Variants in RNASET2 observed in about 807,000 individuals in gnomAD.
The protein encoded by RNASET2 is ribonuclease 6.
Under a neutral mutation model 33.9 loss-of-function variants are expected in RNASET2, and 28 were observed. The observed-to-expected ratio is 0.83, with a 90% CI of 0.61 to 1.13. The LOEUF (loss-of-function observed/expected upper bound fraction) is 1.13. Ranked by LOEUF, RNASET2 falls within the 50% of genes most tolerant of loss-of-function variation. The pLI, the probability that RNASET2 is intolerant of heterozygous loss-of-function variation, is 0.00. For missense variants in RNASET2, 330 were observed against 319.9 expected (o/e 1.03, Z -0.24); for synonymous variants, 123 against 121.0 (o/e 1.02, Z -0.11).
At chr6:166,934,374 T>C (rs1583217113) in intron 6 of RNASET2, 7 of 521,750 alleles carry the variant, frequency 1.3e-5, no homozygotes, top group South Asian at 1.0e-4. Context: ...TTCCAGTTCC[T>C]GACTCCTTCG....
chr6:166,925,356 G>A lies in RNASET2; in HGVS notation c.*4232C>T, dbSNP rs1778289256. 2.7e-5 allele frequency among the ~76,000 whole-genome samples: 4 copies of A among 150,174 alleles called. No homozygotes were observed. The South Asian group carries it at 8.4e-4, about 32-fold the overall frequency. ...ACCCAGCTCTCACTTCCTCCATCCA[G>A]GCATCATTCCTGCCACCCAGGCCTC... is the stretch of plus-strand genomic sequence containing the variant. On this transcript the variant is annotated 3_prime_UTR_variant, in exon 9 of 9. Transcript: ENST00000508775.
intron 4 of RNASET2, among the ~76,000 whole-genome samples, chr6:166,944,396 C>A (rs1778775759): frequency 1.3e-5 from 2 of 151,996 alleles, no homozygotes; most frequent in Admixed American, 1.3e-4. Flanking sequence ...CTTTTCTCAG[C>A]CCATTTGTAA....
At chr6:166,942,640 G>C (rs906298400) in intron 5 of RNASET2, among the ~76,000 whole-genome samples, 8 of 151,370 alleles carry the variant, frequency 5.3e-5, no homozygotes, top group African/African-American at 1.9e-4. Context: ...GTGGCATTTT[G>C]TCATGTTACC....
At chr6:166,947,025 A>G (rs1373731549) in intron 3 of RNASET2, among the ~76,000 whole-genome samples, 1 of 152,118 alleles carries the variant, frequency 6.6e-6, no homozygotes, top group Non-Finnish European at 1.5e-5. Context: ...GCCTAGTAGC[A>G]CCGAGGAGCG....
intron 1 of RNASET2, among the ~76,000 whole-genome samples, chr6:166,954,711 G>A (rs1337707701): frequency 6.6e-6 from 1 of 152,122 alleles, no homozygotes; most frequent in Admixed American, 6.5e-5. Flanking sequence ...TATACCTAAG[G>A]TGTTTAAAAA....
At chr6:166,946,242 G>A (rs921343482) in intron 4 of RNASET2, among the ~76,000 whole-genome samples, 3 of 152,350 alleles carry the variant, frequency 2.0e-5, no homozygotes, top group East Asian at 3.9e-4. Flanking sequence ...CAGATAGGAC[G>A]GCCCCAGGCC....
chr6:166,931,132 C>A lies in RNASET2; in HGVS notation c.493-14G>T. 2 of 1,549,170 alleles carry A rather than the reference C, an allele frequency of 1.3e-6. No homozygotes were observed. The highest frequency in any genetic ancestry group is 1.8e-6 in the Non-Finnish European group (2 of 1,120,922). On this transcript the variant is annotated splice_polypyrimidine_tract_variant and intron_variant, in intron 7 of 8. Transcript: ENST00000508775. Reference sequence around the variant, plus strand: ...AAAATCTGCAACCTGATTTTAAATACAAGTGTATTAGAAATTAAACTTCAA... The same window carrying A: ...AAAATCTGCAACCTGATTTTAAATAAAAGTGTATTAGAAATTAAACTTCAA...
chr6:166,946,550 A>T, intron 4 of RNASET2, 132 bp downstream of exon 4: 1 of 691,752 alleles, frequency 1.4e-6, no homozygotes, highest in South Asian at 1.6e-5. Flanking sequence ...CTAAAACAGC[A>T]GCAAGGGCTC....
chr6:166,951,774 CTCA>C (rs1778990762), intron 2 of RNASET2, among the ~76,000 whole-genome samples: 1 of 152,162 alleles, frequency 6.6e-6, no homozygotes, highest in Non-Finnish European at 1.5e-5. Flanking sequence ...TATAACTGTT[CTCA>C]TTTTATATAT....
Position 166,956,100 on chromosome 6 carries a change from A to G in RNASET2, c.83T>C (p.Leu28Pro), listed in dbSNP as rs371907141. ...LLCLGGADKR[L>P]RDNHEWKKLI... is the part of the protein sequence containing the mutation. ...TTTACCTCGCAAGGTAACTCACCGC[A>G]GGCGCTTGTCCGCACCGCCCAGGCA... Residue 28 changes from leucine (L) to proline (P), a missense_variant, in exon 1 of 9, where the codon CTG (leucine) becomes CCG (proline). Transcript: ENST00000508775. The G allele has an allele frequency of 5.8e-6, 9 of 1,552,018 alleles. No homozygotes were observed. The highest frequency in any genetic ancestry group is 7.8e-6 in the Non-Finnish European group (9 of 1,147,172).
intron 4 of RNASET2, among the ~76,000 whole-genome samples, chr6:166,946,257 C>T (rs1778839841): frequency 6.6e-6 from 1 of 152,262 alleles, no homozygotes; most frequent in African/African-American, 2.4e-5. Context: ...CAGGCCTGTG[C>T]TCTCTGAGCC....
chr6:166,944,483 C>T lies in RNASET2; in HGVS notation c.262-1394G>A, dbSNP rs561012641. ...TCCTCTTCCCCTCCAGCCCCCCACC[C>T]CACCTCTCCTGCCCCACCATGCTGG... On this transcript the variant is annotated intron_variant, in intron 4 of 8. Transcript: ENST00000508775. 1.9e-4 allele frequency among the ~76,000 whole-genome samples: 29 copies of T among 151,060 alleles called. No homozygotes were observed. In the East Asian group the frequency reaches 4.6e-3, roughly 24 times the overall value.
intron 4 of RNASET2, chr6:166,943,313 T>C (rs1778738306): frequency 2.2e-6 from 1 of 445,156 alleles, no homozygotes; most frequent in Non-Finnish European, 4.2e-6. Context: ...ATACAAGCTG[T>C]TATAGGTGAA....
chr6:166,923,228 C>CTTTTTTTTTTCTTTTTTTT lies in RNASET2; in HGVS notation c.*6359_*6360insAAAAAAAAGAAAAAAAAAA, dbSNP rs1778258869. ...ACAGGCGTGAGCCACCAGGCCCGGCCTTTTTTTTTTTTTTTTTTTTTGAGA... is the reference window on the plus strand; with the variant it reads ...ACAGGCGTGAGCCACCAGGCCCGGCCTTTTTTTTTTCTTTTTTTTTTTTTTTTTTTTTTTTTTTTTGAGA... On this transcript the variant is annotated 3_prime_UTR_variant, in exon 9 of 9. Coordinates refer to ENST00000508775, the MANE Select transcript of RNASET2 (RefSeq NM_003730.6). 9.7e-6 allele frequency among the ~76,000 whole-genome samples: 1 copy of CTTTTTTTTTTCTTTTTTTT among 102,672 alleles called. No homozygotes were observed. The highest frequency in any genetic ancestry group is 1.8e-5 in the Non-Finnish European group (1 of 54,584). 67.4% of individuals were successfully genotyped at this position (102,672 alleles called of 152,430 possible).
chr6:166,942,985 G>A (rs757678745), intron 5 of RNASET2, 34 bp downstream of exon 5: 2 of 1,576,848 alleles, frequency 1.3e-6, no homozygotes, highest in Non-Finnish European at 1.7e-6. Flanking sequence ...CGCTCAGACA[G>A]TAATCAAGAC....
In RNASET2 at chr6:166,948,555, G is replaced by A; in HGVS notation, c.203+15C>T. The A allele has an allele frequency of 6.4e-7, 1 of 1,559,084 alleles. No individual in the cohort carries two copies. Among genetic ancestry groups the A allele is most frequent in the Non-Finnish European group, 8.9e-7 (1 of 1,129,836 alleles). ...AGCCTCTTCTGCCTAAGATTTAATT[G>A]TGTGAGACACTTGCCATAGTCCATG... On this transcript the variant is annotated intron_variant, in intron 3 of 8. Transcript: ENST00000508775.
chr6:166,937,295 C>A (rs989505697), intron 6 of RNASET2, among the ~76,000 whole-genome samples: 2 of 152,170 alleles, frequency 1.3e-5, no homozygotes, highest in Non-Finnish European at 2.9e-5. Flanking sequence ...CACCACCACA[C>A]CTGGCTAATT....
In RNASET2 at chr6:166,955,193, A is replaced by G. The variant is rs796759703; in HGVS notation, c.86+904T>C. On this transcript the variant is annotated intron_variant, in intron 1 of 8. Transcript: ENST00000508775. ...GCGGCTGCCACACACACACACGCAC[A>G]CACGCACGCACACACGCACGCACAC... Among the ~76,000 whole-genome samples the G allele has an allele frequency of 4.5e-3, 529 of 117,798 alleles. 5 individuals are homozygous for G. The highest frequency in any genetic ancestry group is 0.017 in the Middle Eastern group (4 of 232). 77.3% of individuals were successfully genotyped at this position (117,798 alleles called of 152,430 possible).
intron 2 of RNASET2, among the ~76,000 whole-genome samples, chr6:166,948,898 A>G (rs1778911922): frequency 6.6e-6 from 1 of 152,214 alleles, no homozygotes; most frequent in Non-Finnish European, 1.5e-5. Flanking sequence ...GCCATTCCTC[A>G]AATATTTGAC....
Sources: allele counts gnomAD v4.1 joint callset (sites outside exome capture counted in the v4.1 genomes callset), GRCh38; gene constraint gnomAD v4.1.1; transcripts MANE v1.5; gene names NCBI Gene and HGNC (gene_info 2026-07-23, HGNC 2026-07-21).